PRICKLE2: variants seen among roughly 807,000 people sequenced by gnomAD.
PRICKLE2 encodes the protein prickle planar cell polarity protein 2.
In PRICKLE2, 21 loss-of-function variants were observed where a neutral mutation model predicts 81.4. That is an observed-to-expected ratio of 0.26 (90% CI 0.18 to 0.37). The LOEUF (loss-of-function observed/expected upper bound fraction) is 0.37, where lower values mean the gene tolerates loss of function less well. PRICKLE2 is among the 10% of genes least tolerant of loss of function. The probability of loss-of-function intolerance (pLI) is 1.00; values close to 1 mark genes in which losing one functional copy is unlikely to be tolerated. For synonymous variants in PRICKLE2, 456 were observed against 421.5 expected, an observed-to-expected ratio of 1.08 and a Z score of -1.00; for missense variants, 940 against 1,109.0, an observed-to-expected ratio of 0.85 and a Z score of 2.16.
At chr3:64,212,835 C>A (rs1358953505) in intron 1 of PRICKLE2, among the ~76,000 whole-genome samples, 1 of 152,148 alleles carries the variant, frequency 6.6e-6, no homozygotes, top group Non-Finnish European at 1.5e-5. Flanking sequence ...ATTTAGGGTT[C>A]TTGTTCTCTA....
rs143456185 is a variant in PRICKLE2 at position 64,128,381 on chromosome 3, G to T, written c.1660+18449C>A. Among the ~76,000 whole-genome samples, 20 of 152,344 alleles carry T rather than the reference G, an allele frequency of 1.3e-4. No individual in the cohort carries two copies. In the East Asian group the frequency reaches 3.7e-3, roughly 28 times the overall value. ...AGACAAAGCCAGGGATTCTCAAAGT[G>T]GGGAGTGGAATGGCTAATGCTTCCC... is the stretch of plus-strand genomic sequence containing the variant. On this transcript the variant is annotated intron_variant, in intron 7 of 7. Coordinates refer to ENST00000638394, the MANE Select transcript of PRICKLE2 (RefSeq NM_198859.4).
chr3:64,129,654 A>G (rs772677822), intron 7 of PRICKLE2, among the ~76,000 whole-genome samples: 1 of 152,170 alleles, frequency 6.6e-6, no homozygotes, highest in Non-Finnish European at 1.5e-5. Flanking sequence ...CAAGGAGAAG[A>G]GAGACCCATT....
At chr3:64,244,326 T>C (rs1429806256) in intron 2 of PRICKLE2, among the ~76,000 whole-genome samples, 1 of 152,180 alleles carries the variant, frequency 6.6e-6, no homozygotes, top group Non-Finnish European at 1.5e-5. Context: ...CTCCAATTTG[T>C]ATACTTATTT....
intron 2 of PRICKLE2, among the ~76,000 whole-genome samples, chr3:64,233,249 TCCTAC>T (rs2079132239): frequency 6.8e-6 from 1 of 147,662 alleles, no homozygotes. Context: ...AACTCTTGCC[TCCTAC>T]CTGGTCTATT....
chr3:64,260,863 G>A (rs1011454779), intron 2 of PRICKLE2, among the ~76,000 whole-genome samples: 1 of 152,118 alleles, frequency 6.6e-6, no homozygotes, highest in Non-Finnish European at 1.5e-5. Flanking sequence ...AAATATATAT[G>A]TTTACTGCTT....
chr3:64,207,547 C>T (rs2078708910), intron 1 of PRICKLE2, among the ~76,000 whole-genome samples: 2 of 152,188 alleles, frequency 1.3e-5, no homozygotes. Context: ...CACATGCACA[C>T]ACAACACTCT....
At chr3:64,125,764 T>C (rs2077096377) in intron 7 of PRICKLE2, among the ~76,000 whole-genome samples, 1 of 152,224 alleles carries the variant, frequency 6.6e-6, no homozygotes, top group Non-Finnish European at 1.5e-5. Flanking sequence ...ACTCACTTTA[T>C]TGTGATATCT....
intron 2 of PRICKLE2, among the ~76,000 whole-genome samples, chr3:64,246,765 A>G (rs2079362957): frequency 6.6e-6 from 1 of 152,208 alleles, no homozygotes; most frequent in African/African-American, 2.4e-5. Flanking sequence ...AGATATGTCT[A>G]AAGACTTTGG....
intron 2 of PRICKLE2, among the ~76,000 whole-genome samples, chr3:64,245,213 T>G (rs78043303): frequency 0.017 from 2,648 of 152,330 alleles, 27 homozygotes; most frequent in Non-Finnish European, 0.029. Flanking sequence ...TTCCTTAAAA[T>G]GTCCTGCCAA....
chr3:64,237,558 T>C (rs2079200857), intron 2 of PRICKLE2, among the ~76,000 whole-genome samples: 1 of 152,134 alleles, frequency 6.6e-6, no homozygotes, highest in South Asian at 2.1e-4. Context: ...TCCACCTCTC[T>C]GCCCTGCTCC....
At chr3:64,105,069 T>G (rs1157613144) in intron 7 of PRICKLE2, among the ~76,000 whole-genome samples, 1 of 152,198 alleles carries the variant, frequency 6.6e-6, no homozygotes, top group Non-Finnish European at 1.5e-5. Context: ...GCTTCAGCTG[T>G]GCTTACATTC....
rs186216457 is a variant in PRICKLE2 at position 64,157,207 on chromosome 3, C to T, written c.555G>A (p.Arg185=). 3.6e-5 allele frequency: 58 copies of T among 1,614,208 alleles called. No homozygotes were observed. Among genetic ancestry groups the T allele is most frequent in the Non-Finnish European group, 4.6e-5 (54 of 1,180,038 alleles). ...FYQDGKIYCG[R]HHAECLKPRC... is the part of the protein sequence containing the mutation. ...GCGGCTTCAGGCACTCAGCATGGTG[C>T]CTGCCACAGTATATCTTCCCATCTT... is the stretch of plus-strand genomic sequence containing the variant. Residue 185 remains arginine (R), a synonymous_variant, in exon 5 of 8, where the codon AGG becomes AGA. Coordinates refer to ENST00000638394, the MANE Select transcript of PRICKLE2 (RefSeq NM_198859.4).
chr3:64,146,367 A>C, intron 7 of PRICKLE2: 1 of 194,792 alleles, frequency 5.1e-6, no homozygotes, highest in Admixed American at 5.3e-5. Context: ...GAAGCCCATC[A>C]AAGATAGAAG....
chr3:64,257,929 A>G (rs1278630754), intron 2 of PRICKLE2, among the ~76,000 whole-genome samples: 1 of 152,122 alleles, frequency 6.6e-6, no homozygotes, highest in Non-Finnish European at 1.5e-5. Context: ...AGAGACCCCA[A>G]AGTGCTAGCT....
At chr3:64,120,266 C>A (rs901177793) in intron 7 of PRICKLE2, among the ~76,000 whole-genome samples, 3 of 152,076 alleles carry the variant, frequency 2.0e-5, no homozygotes, top group African/African-American at 4.8e-5. Context: ...GAATAAAGGT[C>A]TTAGGTAAGA....
chr3:64,198,296 G>GT (rs1250477638), intron 2 of PRICKLE2, among the ~76,000 whole-genome samples: 1 of 151,748 alleles, frequency 6.6e-6, no homozygotes, highest in African/African-American at 2.4e-5. Context: ...ACTTTAAAAC[G>GT]TTTTTGTTGG....
chr3:64,144,698 T>C (rs2077416763), intron 7 of PRICKLE2, among the ~76,000 whole-genome samples: 1 of 152,202 alleles, frequency 6.6e-6, no homozygotes, highest in African/African-American at 2.4e-5. Context: ...AAGGACCAGT[T>C]TGTTTTCATT....
Position 64,099,472 on chromosome 3 carries a change from C to T in PRICKLE2, c.2114G>A (p.Arg705His). 4.4e-6 allele frequency: 7 copies of T among 1,584,304 alleles called. No individual in the cohort carries two copies. Among genetic ancestry groups the T allele is most frequent in the Non-Finnish European group, 6.0e-6 (7 of 1,161,220 alleles). The change falls in exon 8 of 8, where the codon CGC becomes CAC. Residue 705 changes from arginine (R) to histidine (H), a missense_variant. Coordinates refer to ENST00000638394, the MANE Select transcript of PRICKLE2 (RefSeq NM_198859.4). The surrounding 1 kb of genome is among the most constrained non-coding windows in gnomAD (Gnocchi z 4.3). The part of the protein sequence containing the change: ...SDNALHLASE[R>H]EAISRLKDRP... ...ATCTTTTAACCGGGAGATGGCCTCG[C>T]GTTCGCTGGCCAGGTGGAGGGCGTT...
intron 5 of PRICKLE2, among the ~76,000 whole-genome samples, chr3:64,156,169 G>A (rs894738514): frequency 1.3e-5 from 2 of 152,142 alleles, no homozygotes; most frequent in Non-Finnish European, 2.9e-5. Context: ...CACAGAGTTG[G>A]ACCTGAATTT....
Sources: allele counts gnomAD v4.1 joint callset (sites outside exome capture counted in the v4.1 genomes callset), GRCh38; gene constraint gnomAD v4.1.1; non-coding constraint Gnocchi (gnomAD v3.1); transcripts MANE v1.5; gene names NCBI Gene and HGNC (gene_info 2026-07-23, HGNC 2026-07-21).